Variants in ATP8A2 observed in about 807,000 individuals in gnomAD.
The protein encoded by ATP8A2 is ATPase phospholipid transporting 8A2, also known as phospholipid-transporting ATPase IB.
A neutral mutation model predicts 165.6 loss-of-function variants in ATP8A2; 100 were observed. The observed-to-expected ratio is 0.60, with a 90% CI of 0.51 to 0.71. The LOEUF (loss-of-function observed/expected upper bound fraction) is 0.71, where lower values mean the gene tolerates loss of function less well. ATP8A2 is among the 30% of genes least tolerant of loss of function. ATP8A2 has a pLI of 0.00. For missense variants in ATP8A2, 1,227 were observed against 1,479.5 expected, an observed-to-expected ratio of 0.83 and a Z score of 2.80; for synonymous variants, 543 against 548.8, an observed-to-expected ratio of 0.99 and a Z score of 0.15.
intron 24 of ATP8A2, among the ~76,000 whole-genome samples, chr13:25,667,055 A>G (rs778236784): frequency 3.3e-5 from 5 of 152,202 alleles, no homozygotes; most frequent in Non-Finnish European, 5.9e-5. Flanking sequence ...TATTTAGTAC[A>G]TTCATGTTTT....
intron 1 of ATP8A2, among the ~76,000 whole-genome samples, chr13:25,410,782 T>A (rs1432928476): frequency 2.0e-5 from 3 of 152,248 alleles, no homozygotes; most frequent in Non-Finnish European, 4.4e-5. Context: ...ACTTGGGAAT[T>A]TCTCTGTTGG....
chr13:25,620,123 T>C (rs544555672), intron 24 of ATP8A2, among the ~76,000 whole-genome samples: 1 of 152,310 alleles, frequency 6.6e-6, no homozygotes, highest in South Asian at 2.1e-4. Flanking sequence ...TACTAATCTG[T>C]AGATTCAGAA....
intron 1 of ATP8A2, among the ~76,000 whole-genome samples, chr13:25,377,046 AT>A (rs1403255154): frequency 6.6e-6 from 1 of 152,160 alleles, no homozygotes; most frequent in Non-Finnish European, 1.5e-5. Context: ...CCAGTAATTG[AT>A]TTTACATTTA....
At chr13:25,450,528 TTGTG>T (rs10562123) in intron 1 of ATP8A2, among the ~76,000 whole-genome samples, 8 of 150,560 alleles carry the variant, frequency 5.3e-5, no homozygotes, top group Non-Finnish European at 8.9e-5. Flanking sequence ...TGACTGGTCT[TTGTG>T]TGTGTGTGTG....
At chr13:25,396,414 A>G (rs1352220085) in intron 1 of ATP8A2, among the ~76,000 whole-genome samples, 1 of 152,120 alleles carries the variant, frequency 6.6e-6, no homozygotes. Context: ...ACCTACCTTG[A>G]GGAAGAGGGA....
chr13:25,826,592 C>T (rs1441460989), intron 27 of ATP8A2, among the ~76,000 whole-genome samples: 1 of 152,104 alleles, frequency 6.6e-6, no homozygotes, highest in Non-Finnish European at 1.5e-5. Flanking sequence ...CAGAGTTGAC[C>T]TCAACTCTGG....
chr13:25,424,574 A>G (rs1397333893), intron 1 of ATP8A2, among the ~76,000 whole-genome samples: 1 of 152,216 alleles, frequency 6.6e-6, no homozygotes, highest in Non-Finnish European at 1.5e-5. Context: ...TGTAAAACAC[A>G]TTAAAATATT....
chr13:25,715,355 A>G (rs191151817), intron 25 of ATP8A2, among the ~76,000 whole-genome samples: 119 of 152,380 alleles, frequency 7.8e-4, no homozygotes, highest in African/African-American at 2.7e-3. Flanking sequence ...ATATTAGCAT[A>G]CCATGTAATT....
At chr13:25,729,454 G>A (rs1018003400) in intron 25 of ATP8A2, among the ~76,000 whole-genome samples, 6 of 152,172 alleles carry the variant, frequency 3.9e-5, no homozygotes, top group African/African-American at 1.4e-4. Context: ...TTTTAGGACA[G>A]GTCATGATAT....
chr13:25,454,855 GA>G (rs2035323100), intron 1 of ATP8A2, among the ~76,000 whole-genome samples: 1 of 152,196 alleles, frequency 6.6e-6, no homozygotes, highest in East Asian at 1.9e-4. Flanking sequence ...CCAGGAGGTG[GA>G]GGTTGCAGTG....
At chr13:25,899,706 G>C (rs1017614512) in intron 33 of ATP8A2, among the ~76,000 whole-genome samples, 1 of 152,118 alleles carries the variant, frequency 6.6e-6, no homozygotes, top group Non-Finnish European at 1.5e-5. Context: ...TGCAGGGGAG[G>C]GTGCAGGAAG....
chr13:25,683,267 G>T (rs183111960), intron 24 of ATP8A2, among the ~76,000 whole-genome samples: 2 of 152,306 alleles, frequency 1.3e-5, no homozygotes, highest in Non-Finnish European at 2.9e-5. Context: ...TGAGGTTGTG[G>T]TTGAGACTGT....
chr13:25,648,023 T>A (rs937334563), intron 24 of ATP8A2, among the ~76,000 whole-genome samples: 2 of 152,116 alleles, frequency 1.3e-5, no homozygotes, highest in Non-Finnish European at 2.9e-5. Flanking sequence ...TGGCCCTTTT[T>A]CTCTTTCTTC....
chr13:25,800,304 C>T lies in ATP8A2; in HGVS notation c.2679+25345C>T, dbSNP rs116349621. Among the ~76,000 whole-genome samples, 893 of 152,246 alleles carry T rather than the reference C, an allele frequency of 5.9e-3. 11 individuals carry two copies. The highest frequency in any genetic ancestry group is 0.021 in the African/African-American group (857 of 41,534). On this transcript the variant is annotated intron_variant, in intron 27 of 36. Coordinates refer to ENST00000381655, the MANE Select transcript of ATP8A2 (RefSeq NM_016529.6). ...CAATGGAGAATGGTGGGAACCAGTA[C>T]CAGGAACCTGTGCAGACCTGGTCAG...
chr13:25,612,341 A>T (rs1214804943), intron 24 of ATP8A2, among the ~76,000 whole-genome samples: 9 of 152,106 alleles, frequency 5.9e-5, no homozygotes, highest in South Asian at 2.1e-4. Flanking sequence ...TACCACTGTT[A>T]TTATTCAGTT....
At chr13:25,973,217 G>C (rs931480165) in intron 35 of ATP8A2, among the ~76,000 whole-genome samples, 10 of 152,214 alleles carry the variant, frequency 6.6e-5, no homozygotes, top group African/African-American at 1.9e-4. Flanking sequence ...AGGTAGCTGT[G>C]TGGCTGGTCT....
intron 24 of ATP8A2, among the ~76,000 whole-genome samples, chr13:25,598,221 G>A (rs1340399422): frequency 6.6e-6 from 1 of 152,092 alleles, no homozygotes; most frequent in Admixed American, 6.5e-5. Flanking sequence ...TTGCATTTGT[G>A]TATGTATCCC....
At chr13:25,702,362 C>A (rs1218739785) in intron 25 of ATP8A2, among the ~76,000 whole-genome samples, 3 of 152,094 alleles carry the variant, frequency 2.0e-5, no homozygotes, top group Non-Finnish European at 4.4e-5. Flanking sequence ...AAATATTTTG[C>A]TGAAATTAGA....
At chr13:25,660,923 T>C (rs1482133737) in intron 24 of ATP8A2, among the ~76,000 whole-genome samples, 1 of 152,148 alleles carries the variant, frequency 6.6e-6, no homozygotes, top group Non-Finnish European at 1.5e-5. Context: ...CAGTGCAGAC[T>C]TTATTCGATG....
Sources: allele counts gnomAD v4.1 joint callset (sites outside exome capture counted in the v4.1 genomes callset), GRCh38; gene constraint gnomAD v4.1.1; transcripts MANE v1.5; gene names NCBI Gene and HGNC (gene_info 2026-07-23, HGNC 2026-07-21).